The following COL27A1 variants were observed in gnomAD, a reference collection of about 807,000 sequenced individuals.
COL27A1 encodes the protein collagen type XXVII alpha 1 chain.
COL27A1 carries 106 observed loss-of-function variants against 251.3 expected under a neutral mutation model. The observed-to-expected ratio is 0.42, with a 90% CI of 0.36 to 0.50. The LOEUF (loss-of-function observed/expected upper bound fraction) is 0.50. Ranked by LOEUF, COL27A1 falls within the 20% of genes least tolerant of loss-of-function variation. COL27A1 has a pLI of 0.00. For synonymous variants in COL27A1, 1,000 were observed against 986.3 expected (o/e 1.01, Z -0.26); for missense variants, 2,325 against 2,522.8 (o/e 0.92, Z 1.68).
At chr9:114,247,720 A>C (rs998176166) in intron 24 of COL27A1, among the ~76,000 whole-genome samples, 2 of 152,186 alleles carry the variant, frequency 1.3e-5, no homozygotes, top group Admixed American at 6.5e-5. Context: ...AGGCACATGG[A>C]GGTACCATGC....
chr9:114,205,699 C>A lies in COL27A1; in HGVS notation c.2170-60C>A, dbSNP rs1829904056. 7.5e-6 allele frequency: 11 copies of A among 1,466,182 alleles called. No homozygotes were observed. In the South Asian group the frequency reaches 1.1e-4, roughly 15 times the overall value. 90.8% of individuals were successfully genotyped at this position (1,466,182 alleles called of 1,614,324 possible). ...GTCAGCCCCAGTCTCCCAGGGTCCC[C>A]CAGACCCAGAGCTGGGCAGGGTCTT... is the stretch of plus-strand genomic sequence containing the variant. On this transcript the variant is annotated intron_variant, in intron 8 of 60. Coordinates refer to ENST00000356083, the MANE Select transcript of COL27A1 (RefSeq NM_032888.4).
chr9:114,192,894 A>G (rs1382954289), intron 5 of COL27A1, among the ~76,000 whole-genome samples: 2 of 152,214 alleles, frequency 1.3e-5, no homozygotes, highest in East Asian at 1.9e-4. Flanking sequence ...TCTAATGAAG[A>G]AAAGAACTGA....
chr9:114,255,050 T>C (rs990880504), intron 27 of COL27A1, among the ~76,000 whole-genome samples: 9 of 152,250 alleles, frequency 5.9e-5, no homozygotes, highest in African/African-American at 2.2e-4. Flanking sequence ...TCATGATTCT[T>C]TGGACAAGTT....
At chr9:114,205,044 G>A (rs991133378) in intron 7 of COL27A1, 58 bp from the exon 8 acceptor site, 32 of 1,566,138 alleles carry the variant, frequency 2.0e-5, no homozygotes, top group Middle Eastern at 3.3e-4. Flanking sequence ...GGGCCCTTGC[G>A]ATCTCCAGGA....
At position 114,243,551 on chromosome 9, in the gene COL27A1, T is replaced by C. The variant is rs762339239; in HGVS notation, c.2925T>C (p.Asp975=). 33 of 1,613,520 alleles carry C rather than the reference T, an allele frequency of 2.0e-5. No homozygotes were observed. Among genetic ancestry groups the C allele is most frequent in the Non-Finnish European group, 2.7e-5 (32 of 1,179,668 alleles). The change falls in exon 23 of 61, where the codon GAT becomes GAC. Residue 975 remains aspartate (D), a synonymous_variant. Transcript: ENST00000356083. The part of the protein sequence containing the change: ...RKGFPGRPGL[D]GVKGEPGDPG... ...GGTTTCCTGGGAGGCCCGGCCTGGA[T>C]GGCGTGAAGGTGAGGGGACCTGGAG...
chr9:114,285,528 G>A (rs1160092395), intron 41 of COL27A1, among the ~76,000 whole-genome samples: 4 of 152,000 alleles, frequency 2.6e-5, no homozygotes, highest in East Asian at 1.9e-4. Context: ...GGAACGCTTC[G>A]CTTGCCCCCT....
intron 1 of COL27A1, among the ~76,000 whole-genome samples, chr9:114,157,726 G>C (rs372463054): frequency 6.6e-6 from 1 of 152,234 alleles, no homozygotes; most frequent in African/African-American, 2.4e-5. Context: ...GGAGGCAGGC[G>C]GCACCACAGG....
At chr9:114,232,886 T>C (rs1247338359) in intron 16 of COL27A1, among the ~76,000 whole-genome samples, 5 of 152,116 alleles carry the variant, frequency 3.3e-5, no homozygotes, top group Non-Finnish European at 7.4e-5. Context: ...GTCTGGCCAA[T>C]ATGGTGAAAC....
At chr9:114,203,823 G>A (rs563620252) in intron 7 of COL27A1, among the ~76,000 whole-genome samples, 11 of 152,286 alleles carry the variant, frequency 7.2e-5, no homozygotes, top group African/African-American at 2.6e-4. Flanking sequence ...AAGATTTCCA[G>A]CGTGTTCCCA....
At chr9:114,206,365 C>T (rs1008868492) in intron 10 of COL27A1, 69 bp downstream of exon 10, 2 of 1,502,982 alleles carry the variant, frequency 1.3e-6, no homozygotes, top group African/African-American at 1.4e-5. Context: ...CTCCAGTGGG[C>T]TTGATGGGAG....
chr9:114,243,834 G>C (rs751837301), intron 23 of COL27A1, among the ~76,000 whole-genome samples: 6 of 152,106 alleles, frequency 3.9e-5, no homozygotes, highest in Non-Finnish European at 8.8e-5. Context: ...ATGTGGGGTG[G>C]GGGTGGTGGA....
intron 25 of COL27A1, among the ~76,000 whole-genome samples, chr9:114,252,384 A>G (rs966489196): frequency 6.6e-6 from 1 of 152,200 alleles, no homozygotes; most frequent in Non-Finnish European, 1.5e-5. Flanking sequence ...GAGGCCTTCC[A>G]GGGCTTGCCA....
intron 16 of COL27A1, among the ~76,000 whole-genome samples, chr9:114,233,356 G>A (rs1032215595): frequency 6.6e-6 from 1 of 152,192 alleles, no homozygotes; most frequent in Non-Finnish European, 1.5e-5. Context: ...TGGGTGCCAT[G>A]CCAACCCCAG....
At chr9:114,183,236 C>T (rs543414075) in intron 5 of COL27A1, among the ~76,000 whole-genome samples, 161 bp downstream of exon 5, 1 of 152,364 alleles carries the variant, frequency 6.6e-6, no homozygotes, top group South Asian at 2.1e-4. Context: ...GGGCTGGGCC[C>T]TGTGCCTGGT....
upstream of COL27A1, among the ~76,000 whole-genome samples, chr9:114,154,806 T>G (rs569312252): frequency 6.6e-6 from 1 of 151,998 alleles, no homozygotes; most frequent in East Asian, 1.9e-4. The surrounding 1 kb of genome is among the most constrained non-coding windows in gnomAD (Gnocchi z 5.8). Flanking sequence ...GGTGAATAAG[T>G]GTAACTTTGC....
intron 1 of COL27A1, among the ~76,000 whole-genome samples, chr9:114,160,194 G>A (rs539046884): frequency 6.4e-4 from 95 of 148,452 alleles, no homozygotes; most frequent in Middle Eastern, 3.4e-3. Flanking sequence ...TCGCTCTGTC[G>A]CCCAGGCTGG....
Position 114,155,931 on chromosome 9 carries a change from G to T in COL27A1, c.-20G>T, listed in dbSNP as rs758589651. On this transcript the variant is annotated 5_prime_UTR_variant, in exon 1 of 61. Transcript: ENST00000356083. This position sits in a 1 kb window ranked among gnomAD's most constrained non-coding sequence, Gnocchi z 5.5. Reference sequence around the variant, plus strand: ...CCACACTTGCCCCCCGGGCTCGGGAGCATGAAGTAGGGGCCTGCCATGGGA... The same window carrying T: ...CCACACTTGCCCCCCGGGCTCGGGATCATGAAGTAGGGGCCTGCCATGGGA... 1.6e-6 allele frequency: 2 copies of T among 1,246,836 alleles called. No individual in the cohort carries two copies. The highest frequency in any genetic ancestry group is 7.2e-5 in the South Asian group (2 of 27,680). 77.2% of individuals were successfully genotyped at this position (1,246,836 alleles called of 1,614,324 possible). A position where few individuals can be genotyped will look rare whatever the true frequency, so the allele number is the denominator to read the frequency against.
intron 4 of COL27A1, among the ~76,000 whole-genome samples, chr9:114,180,655 A>G (rs560087977): frequency 6.6e-6 from 1 of 152,260 alleles, no homozygotes; most frequent in Admixed American, 6.5e-5. Context: ...AGGTCGCCCA[A>G]AGCTCTCTGT....
chr9:114,165,186 CT>C (rs1848744817), intron 2 of COL27A1, among the ~76,000 whole-genome samples: 2 of 152,156 alleles, frequency 1.3e-5, no homozygotes, highest in African/African-American at 4.8e-5. Context: ...TCTTCTCAGG[CT>C]CTAAATTTTG....
Sources: allele counts gnomAD v4.1 joint callset (sites outside exome capture counted in the v4.1 genomes callset), GRCh38; gene constraint gnomAD v4.1.1; non-coding constraint Gnocchi (gnomAD v3.1); transcripts MANE v1.5; gene names NCBI Gene and HGNC (gene_info 2026-07-23, HGNC 2026-07-21).